SPNS3: variants seen among roughly 807,000 people sequenced by gnomAD.
The protein encoded by SPNS3 is SPNS lysolipid transporter 3, sphingosine-1-phosphate (putative), also known as protein spinster homolog 3.
SPNS3 carries 51 observed loss-of-function variants against 54.4 expected under a neutral mutation model. The ratio of observed to expected loss-of-function variants is 0.94; its 90% CI spans 0.75 to 1.18. The LOEUF (loss-of-function observed/expected upper bound fraction) is 1.18, where lower values mean the gene tolerates loss of function less well. Among genes scored for constraint, SPNS3 ranks in the 50% most tolerant of loss-of-function variants. The probability of loss-of-function intolerance (pLI) is 0.00; values close to 1 mark genes in which losing one functional copy is unlikely to be tolerated. For missense variants in SPNS3, 669 were observed against 677.4 expected (o/e 0.99, Z 0.14); for synonymous variants, 309 against 294.7 (o/e 1.05, Z -0.50).
intron 7 of SPNS3, among the ~76,000 whole-genome samples, chr17:4,451,858 T>TC (rs11379877): frequency 3.3e-5 from 5 of 151,232 alleles, no homozygotes; most frequent in Non-Finnish European, 7.4e-5. Flanking sequence ...TTTTTTTTTT[T>TC]AGTAGAGACG....
intron 8 of SPNS3, among the ~76,000 whole-genome samples, chr17:4,472,988 TATG>T (rs1180679283): frequency 8.6e-5 from 13 of 151,528 alleles, no homozygotes; most frequent in Non-Finnish European, 1.9e-4. Flanking sequence ...AGAGGCTCAC[TATG>T]TTGTCCAGGC....
chr17:4,438,397 G>A (rs1038169176), intron 1 of SPNS3, among the ~76,000 whole-genome samples: 1 of 152,190 alleles, frequency 6.6e-6, no homozygotes, highest in African/African-American at 2.4e-5. Context: ...ACAGCTCAGG[G>A]CCTGGCTGTC....
Position 4,445,908 on chromosome 17 carries a change from G to A in SPNS3, c.403-140G>A, listed in dbSNP as rs375514354. ...GACTTTGGGAACCTGGAGTGGAGAG[G>A]TGTCTGTAGCCCCGATCCCCTCTCC... On this transcript the variant is annotated intron_variant, in intron 3 of 11. Transcript: ENST00000355530. 5 of 934,420 alleles carry A rather than the reference G, an allele frequency of 5.4e-6. No homozygotes were observed. The African/African-American group carries it at 6.6e-5, about 12-fold the overall frequency. 57.9% of individuals were successfully genotyped at this position (934,420 alleles called of 1,614,324 possible). A position where few individuals can be genotyped will look rare whatever the true frequency, so the allele number is the denominator to read the frequency against.
At position 4,445,172 on chromosome 17, in the gene SPNS3, C is replaced by T. The variant is rs543274536; in HGVS notation, c.402+4C>T. On this transcript the variant is annotated splice_donor_region_variant and intron_variant, in intron 3 of 11. Coordinates refer to ENST00000355530, the MANE Select transcript of SPNS3 (RefSeq NM_182538.5). ...TAGCTCCTTCATCTCCCCCCGGGTACGTGTCCATGCCCCTGTCCAGGCCCC... is the reference window on the plus strand; with the variant it reads ...TAGCTCCTTCATCTCCCCCCGGGTATGTGTCCATGCCCCTGTCCAGGCCCC... The T allele has an allele frequency of 1.2e-4, 188 of 1,611,246 alleles. No individual in the cohort carries two copies. Among genetic ancestry groups the T allele is most frequent in the Middle Eastern group, 6.6e-4 (4 of 6,050 alleles).
chr17:4,488,114 A>C lies in SPNS3; in HGVS notation c.*220A>C. The C allele has an allele frequency of 1.7e-6, 1 of 573,574 alleles. No homozygotes were observed. The allele number at this position is 573,574 out of a possible 1,614,324, so 35.5% of individuals were successfully genotyped here. A position where few individuals can be genotyped will look rare whatever the true frequency, so the allele number is the denominator to read the frequency against. ...TGGGCCTGTGCCTGCATCCCGCTCAAGGCTGCCCCAGCCTGGGGTCTCCAG... is the reference window on the plus strand; with the variant it reads ...TGGGCCTGTGCCTGCATCCCGCTCACGGCTGCCCCAGCCTGGGGTCTCCAG... On this transcript the variant is annotated 3_prime_UTR_variant, in exon 12 of 12. Coordinates refer to ENST00000355530, the MANE Select transcript of SPNS3 (RefSeq NM_182538.5).
In SPNS3 at chr17:4,478,564, G is replaced by C. The variant is rs562772691; in HGVS notation, c.1114-8G>C. The C allele has an allele frequency of 1.9e-6, 3 of 1,567,148 alleles. No homozygotes were observed. In the East Asian group the frequency reaches 7.0e-5, roughly 36 times the overall value. On this transcript the variant is annotated splice_polypyrimidine_tract_variant and splice_region_variant and intron_variant, in intron 8 of 11. Coordinates refer to ENST00000355530, the MANE Select transcript of SPNS3 (RefSeq NM_182538.5). ...GGAATCCTCACCCAGGCCACCCTCT[G>C]TCCACAGGTGTTCCTGGGCCTTGGG...
At chr17:4,469,455 CT>C (rs1447687983) in intron 8 of SPNS3, among the ~76,000 whole-genome samples, 9 of 151,968 alleles carry the variant, frequency 5.9e-5, no homozygotes, top group Non-Finnish European at 1.3e-4. Flanking sequence ...CCCATCTCTA[CT>C]AAAAATATAG....
intron 1 of SPNS3, among the ~76,000 whole-genome samples, chr17:4,437,147 G>A (rs1292937218): frequency 1.3e-5 from 2 of 152,122 alleles, no homozygotes; most frequent in Non-Finnish European, 2.9e-5. Context: ...AAATGTTCTT[G>A]CAGGAAACAG....
intron 8 of SPNS3, among the ~76,000 whole-genome samples, chr17:4,471,203 C>G (rs62064887): frequency 6.6e-6 from 1 of 152,178 alleles, no homozygotes; most frequent in Non-Finnish European, 1.5e-5. Flanking sequence ...GGATTACAGG[C>G]GTGAGCCACT....
At chr17:4,477,685 G>C (rs1054662816) in intron 8 of SPNS3, among the ~76,000 whole-genome samples, 4 of 152,142 alleles carry the variant, frequency 2.6e-5, no homozygotes, top group South Asian at 2.1e-4. Flanking sequence ...GCTTTACCCA[G>C]GGGCAGCTGG....
At chr17:4,455,196 G>A (rs1441042890) in intron 8 of SPNS3, among the ~76,000 whole-genome samples, 1 of 152,202 alleles carries the variant, frequency 6.6e-6, no homozygotes, top group East Asian at 1.9e-4. Flanking sequence ...TTACAGGTGT[G>A]AGCCATCACG....
At chr17:4,445,949 G>T in intron 3 of SPNS3, 99 bp from the exon 4 acceptor site, 1 of 1,392,068 alleles carries the variant, frequency 7.2e-7, no homozygotes, top group Non-Finnish European at 9.8e-7. Context: ...CTGGGGTCCT[G>T]TGTCATGAGG....
In SPNS3 at chr17:4,448,312, C is replaced by G. The variant is rs1290169196; in HGVS notation, c.770+9C>G. On this transcript the variant is annotated intron_variant, in intron 6 of 11. Transcript: ENST00000355530. ...AGATACCTGGGGAAAAAGTGAGTAT[C>G]CCTGCTACCCCCTGCAAGGCACAGA... 3 of 1,529,830 alleles carry G rather than the reference C, an allele frequency of 2.0e-6. No individual in the cohort carries two copies. The highest frequency in any genetic ancestry group is 1.8e-6 in the Non-Finnish European group (2 of 1,137,014). 94.8% of individuals were successfully genotyped at this position (1,529,830 alleles called of 1,614,324 possible). A position where few individuals can be genotyped will look rare whatever the true frequency, so the allele number is the denominator to read the frequency against.
chr17:4,445,902 G>T, intron 3 of SPNS3, 146 bp from the exon 4 acceptor site: 1 of 875,412 alleles, frequency 1.1e-6, no homozygotes. Flanking sequence ...AACCTGGAGT[G>T]GAGAGGTGTC....
chr17:4,456,167 G>T (rs1210068510), intron 8 of SPNS3, among the ~76,000 whole-genome samples: 1 of 152,014 alleles, frequency 6.6e-6, no homozygotes, highest in Non-Finnish European at 1.5e-5. Flanking sequence ...GCCCAGCCTG[G>T]TCTCGAACCC....
rs193243953 is a variant in SPNS3, at chr17:4,476,146, C to A, written c.1114-2426C>A. Among the ~76,000 whole-genome samples, 3 of 152,326 alleles carry A rather than the reference C, an allele frequency of 2.0e-5. No homozygotes were observed. In the East Asian group the frequency reaches 5.8e-4, roughly 29 times the overall value. Reference sequence around the variant, plus strand: ...CTGAGTCAGCCCTGGTGGCCGCTGCCCCGGGAGACTGTAATTACAGGATTA... The same window carrying A: ...CTGAGTCAGCCCTGGTGGCCGCTGCACCGGGAGACTGTAATTACAGGATTA... On this transcript the variant is annotated intron_variant, in intron 8 of 11. Coordinates refer to ENST00000355530, the MANE Select transcript of SPNS3 (RefSeq NM_182538.5).
chr17:4,485,277 C>G (rs1972280436), intron 9 of SPNS3: 1 of 152,216 alleles, frequency 6.6e-6, no homozygotes, highest in Non-Finnish European at 1.5e-5. Context: ...ATTATTACCC[C>G]CACTTGGGGA....
intron 8 of SPNS3, among the ~76,000 whole-genome samples, chr17:4,474,472 C>A (rs59565187): frequency 1.3e-5 from 2 of 152,072 alleles, no homozygotes; most frequent in African/African-American, 4.8e-5. Flanking sequence ...TCTCCCTTCT[C>A]GGTGGGCCCA....
intron 8 of SPNS3, among the ~76,000 whole-genome samples, chr17:4,478,012 C>G (rs893372109): frequency 2.3e-5 from 3 of 133,104 alleles, no homozygotes; most frequent in Non-Finnish European, 4.6e-5. Context: ...CACTCTGTCA[C>G]CCAGGCTGGA....
Sources: gnomAD v4.1 joint callset for allele counts (sites outside exome capture counted in the v4.1 genomes callset) on GRCh38, gnomAD v4.1.1 for gene constraint, MANE v1.5 for transcripts, NCBI Gene and HGNC (gene_info 2026-07-23, HGNC 2026-07-21) for gene names.